Variants in TRPA1 observed in about 807,000 individuals in gnomAD.
TRPA1 encodes transient receptor potential cation channel subfamily A member 1, also known as ankyrin-like with transmembrane domains 1.
TRPA1 carries 129 observed loss-of-function variants against 131.3 expected under a neutral mutation model. The observed-to-expected ratio is 0.98, with a 90% confidence interval of 0.85 to 1.14. The LOEUF (loss-of-function observed/expected upper bound fraction) is 1.14, where lower values mean the gene tolerates loss of function less well. Ranked by LOEUF, TRPA1 falls within the 50% of genes most tolerant of loss-of-function variation. TRPA1 has a pLI of 0.00. For synonymous variants in TRPA1, 441 were observed against 451.7 expected (o/e 0.98, Z 0.30); for missense variants, 1,304 against 1,354.2 (o/e 0.96, Z 0.58).
At chr8:72,047,598 A>G (rs1179683181) in intron 15 of TRPA1, among the ~76,000 whole-genome samples, 1 of 152,158 alleles carries the variant, frequency 6.6e-6, no homozygotes, top group East Asian at 1.9e-4. Context: ...CCAAAATCCA[A>G]AATGTTTTGA....
intron 24 of TRPA1, 60 bp from the exon 25 acceptor site, chr8:72,026,133 G>A (rs1811601561): frequency 8.0e-7 from 1 of 1,243,518 alleles, no homozygotes; most frequent in Non-Finnish European, 1.2e-6. Context: ...ATTTTTATAT[G>A]GCACAGAGGC....
chr8:72,049,315 A>G (rs1337593282), intron 15 of TRPA1, among the ~76,000 whole-genome samples: 1 of 152,138 alleles, frequency 6.6e-6, no homozygotes. Flanking sequence ...TAGCATCATT[A>G]TTTTAGAAAT....
rs1585848110 is a variant in TRPA1 at position 72,036,365 on chromosome 8, T to C, written c.2478A>G (p.Ile826Met). Residue 826 changes from isoleucine (I) to methionine (M), a missense_variant, in exon 21 of 27, where the codon ATA (isoleucine) becomes ATG (methionine). Coordinates refer to ENST00000262209, the MANE Select transcript of TRPA1 (RefSeq NM_007332.3). ...IIFVLPLFVE[I>M]PAHLQWQCGA... ...CACATTGCCACTGCAGATGAGCTGG[T>C]ATTTCAACAAACAAGGGCAGCACAA... The C allele has an allele frequency of 6.2e-7, 1 of 1,614,190 alleles. No individual in the cohort carries two copies. Among genetic ancestry groups the C allele is most frequent in the Non-Finnish European group, 8.5e-7 (1 of 1,180,022 alleles).
intron 23 of TRPA1, among the ~76,000 whole-genome samples, chr8:72,030,807 C>A (rs569255893): frequency 6.6e-6 from 1 of 152,220 alleles, no homozygotes; most frequent in South Asian, 2.1e-4. Flanking sequence ...ACTATAGGGG[C>A]AGGAGAGGCT....
At chr8:72,043,326 A>G (rs961747943) in intron 17 of TRPA1, among the ~76,000 whole-genome samples, 7 of 151,886 alleles carry the variant, frequency 4.6e-5, no homozygotes, top group African/African-American at 1.7e-4. Flanking sequence ...TACTCAAATT[A>G]TGTCTTCAAT....
intron 14 of TRPA1, 109 bp downstream of exon 14, chr8:72,052,490 A>G (rs1805533987): frequency 7.0e-7 from 1 of 1,425,448 alleles, no homozygotes; most frequent in African/African-American, 1.4e-5. Flanking sequence ...GATATTTTAA[A>G]TTTTGATTAA....
intron 20 of TRPA1, among the ~76,000 whole-genome samples, 189 bp from the exon 21 acceptor site, chr8:72,036,646 G>A (rs1457866152): frequency 6.6e-6 from 1 of 152,200 alleles, no homozygotes; most frequent in Non-Finnish European, 1.5e-5. Context: ...CGGTGTTGGA[G>A]ATGGCCCAGA....
intron 23 of TRPA1, among the ~76,000 whole-genome samples, chr8:72,033,122 A>G (rs545765183): frequency 5.3e-5 from 8 of 152,324 alleles, no homozygotes; most frequent in Admixed American, 4.6e-4. Flanking sequence ...TGCCCTCTGC[A>G]TGAGAGACTT....
intron 13 of TRPA1, 196 bp from the exon 14 acceptor site, chr8:72,052,961 G>A: frequency 4.0e-6 from 2 of 495,352 alleles, no homozygotes; most frequent in Non-Finnish European, 7.4e-6. Context: ...TGTGGGAAGT[G>A]GATCTGTGTG....
intron 3 of TRPA1, among the ~76,000 whole-genome samples, chr8:72,067,424 T>G (rs1477168721): frequency 6.6e-6 from 1 of 152,160 alleles, no homozygotes; most frequent in Non-Finnish European, 1.5e-5. Context: ...TTTTTCTGCT[T>G]GTCCTGGTGT....
At position 72,040,444 on chromosome 8, in the gene TRPA1, A is replaced by G. The variant is rs573666895; in HGVS notation, c.2062-647T>C. On this transcript the variant is annotated intron_variant, in intron 17 of 26. Transcript: ENST00000262209. ...CTGTACCCAAGGTGAGCATGTAGCCAAAATCAACCATATCAAAGACAGTAG... is the reference window on the plus strand; with the variant it reads ...CTGTACCCAAGGTGAGCATGTAGCCGAAATCAACCATATCAAAGACAGTAG... Among the ~76,000 whole-genome samples the G allele has an allele frequency of 2.0e-5, 3 of 152,214 alleles. No individual in the cohort carries two copies. The South Asian group carries it at 6.2e-4, about 32-fold the overall frequency.
chr8:72,062,850 CA>C lies in TRPA1; in HGVS notation c.755del (p.Leu252TrpfsTer3). Reference protein sequence around the residue: ...PLHLAVQNGDLEMIKMCLDNG... With the variant: ...PLHLAVQNGDXEMIKMCLDNG... The stretch of plus-strand genomic sequence containing the variant: ...TGTCCAGGCACATTTTGATCATTTC[CA>C]AGTCACCATTTTGCACAGCCAGGTG... On this transcript the variant is annotated frameshift_variant, in exon 6 of 27. Transcript: ENST00000262209. LOFTEE classifies it high-confidence loss of function. 1 of 1,613,890 alleles carries C rather than the reference CA, an allele frequency of 6.2e-7. No individual in the cohort carries two copies. Among genetic ancestry groups the C allele is most frequent in the Non-Finnish European group, 8.5e-7 (1 of 1,179,942 alleles).
intron 20 of TRPA1, 38 bp from the exon 21 acceptor site, chr8:72,036,495 G>T: frequency 6.4e-7 from 1 of 1,560,356 alleles, no homozygotes; most frequent in South Asian, 1.1e-5. Context: ...CACATATAGA[G>T]ACCTAGCATC....
rs778891599 is a variant in TRPA1 at position 72,022,970 on chromosome 8, C to T, written c.3296G>A (p.Arg1099Lys). ...CAACACAGTATTCCATCTGCTATTC[C>T]TTTGTTCCATCTGCTCTTTCTTAAA... is the stretch of plus-strand genomic sequence containing the variant. ...DRFKKEQMEQ[R>K]NSRWNTVLRA... is the part of the protein sequence containing the mutation. The change falls in exon 27 of 27, where the codon AGG becomes AAG. Residue 1099 changes from arginine (R) to lysine (K), a missense_variant. By Grantham distance (26) the Arg-to-Lys change is conservative. Transcript: ENST00000262209. 1 of 1,613,886 alleles carries T rather than the reference C, an allele frequency of 6.2e-7. No individual in the cohort carries two copies. Among genetic ancestry groups the T allele is most frequent in the Admixed American group, 1.7e-5 (1 of 59,970 alleles).
intron 12 of TRPA1, 146 bp downstream of exon 12, chr8:72,055,290 A>G: frequency 1.5e-6 from 1 of 688,692 alleles, no homozygotes; most frequent in Non-Finnish European, 2.5e-6. Flanking sequence ...TTTAGAAGTT[A>G]CATATGTTTT....
upstream of TRPA1, among the ~76,000 whole-genome samples, chr8:72,075,778 G>T (rs1007291881): frequency 6.6e-6 from 1 of 152,192 alleles, no homozygotes; most frequent in Non-Finnish European, 1.5e-5. Context: ...GGAGTCAAGC[G>T]TGTCAGGTCG....
intron 16 of TRPA1, 57 bp from the exon 17 acceptor site, chr8:72,046,665 C>A: frequency 3.4e-6 from 3 of 869,742 alleles, no homozygotes; most frequent in South Asian, 1.6e-5. Flanking sequence ...TATAGAATCC[C>A]CAAAGTAATT....
chr8:72,073,152 C>A (rs940184045), intron 1 of TRPA1, among the ~76,000 whole-genome samples: 2 of 151,946 alleles, frequency 1.3e-5, no homozygotes, highest in Admixed American at 6.6e-5. Flanking sequence ...CTAACTAAAC[C>A]CTTTAAAACA....
At chr8:72,089,199 A>C in the TRPA1 span, among the ~76,000 whole-genome samples, 282 of 152,254 alleles carry the variant, frequency 1.9e-3, no homozygotes, top group African/African-American at 6.5e-3. Context: ...AGTTGCCAAA[A>C]TTTAAAATGT....
Sources: allele counts gnomAD v4.1 joint callset (sites outside exome capture counted in the v4.1 genomes callset), GRCh38; gene constraint gnomAD v4.1.1; transcripts MANE v1.5; gene names NCBI Gene and HGNC (gene_info 2026-07-23, HGNC 2026-07-21).